DPP6: variants seen among roughly 807,000 people sequenced by gnomAD.
DPP6 encodes the protein A-type potassium channel modulatory protein DPP6.
DPP6 carries 69 observed loss-of-function variants against 122.6 expected under a neutral mutation model. That is an observed-to-expected ratio of 0.56 (90% confidence interval 0.46 to 0.69). The LOEUF (loss-of-function observed/expected upper bound fraction) is 0.69, where lower values mean the gene tolerates loss of function less well. DPP6 is among the 30% of genes least tolerant of loss of function. The pLI is 0.00. For synonymous variants in DPP6, 418 were observed against 433.1 expected (o/e 0.97, Z 0.43); for missense variants, 928 against 1,116.9 (o/e 0.83, Z 2.41).
rs143954483 is a variant in DPP6 at position 154,382,224 on chromosome 7, G to C, written c.244-63990G>C. 9.1e-3 allele frequency among the ~76,000 whole-genome samples: 1,380 copies of C among 152,062 alleles called. 19 individuals carry two copies. Among genetic ancestry groups the C allele is most frequent in the African/African-American group, 0.03 (1,257 of 41,478 alleles). On this transcript the variant is annotated intron_variant, in intron 1 of 25. Transcript: ENST00000377770. ...TTCTTCTGAGACAGGGTCTCACTCT[G>C]TCACCCAGGCTGGAGTGCAGTGCTG...
intron 1 of DPP6, among the ~76,000 whole-genome samples, chr7:154,442,472 G>C (rs1819465982): frequency 6.6e-6 from 1 of 152,100 alleles, no homozygotes; most frequent in Admixed American, 6.5e-5. Context: ...AATGCAAAGG[G>C]ATTTGCCTGG....
the DPP6 span, among the ~76,000 whole-genome samples, chr7:153,847,643 C>G: frequency 6.6e-6 from 1 of 152,060 alleles, no homozygotes; most frequent in South Asian, 2.1e-4. Context: ...AAGTATGGAC[C>G]TTATAGAATT....
At chr7:153,975,243 A>T (rs1429506264) in intron 1 of DPP6, among the ~76,000 whole-genome samples, 30 of 9,432 alleles carry the variant, frequency 3.2e-3, no homozygotes, top group African/African-American at 4.7e-3. Context: ...TCTTAGTTTA[A>T]AAAAAAAAAA....
chr7:153,867,713 A>G, the DPP6 span, among the ~76,000 whole-genome samples: 1 of 152,154 alleles, frequency 6.6e-6, no homozygotes, highest in Non-Finnish European at 1.5e-5. Context: ...GAGAGAGGGC[A>G]TCCCTGTCTT....
At chr7:154,562,713 C>T (rs995804483) in intron 4 of DPP6, among the ~76,000 whole-genome samples, 12 of 151,962 alleles carry the variant, frequency 7.9e-5, no homozygotes, top group African/African-American at 2.7e-4. Flanking sequence ...AAAATATCTA[C>T]CAGAACAAAT....
At position 154,052,809 on chromosome 7, in the gene DPP6, G is replaced by T. The variant is rs1800461096; in HGVS notation, c.-12G>T. 6.6e-7 allele frequency: 1 copy of T among 1,517,020 alleles called. No individual in the cohort carries two copies. Among genetic ancestry groups the T allele is most frequent in the Non-Finnish European group, 8.8e-7 (1 of 1,130,862 alleles). 94.0% of individuals were successfully genotyped at this position (1,517,020 alleles called of 1,614,324 possible). A position where few individuals can be genotyped will look rare whatever the true frequency, so the allele number is the denominator to read the frequency against. Reference sequence around the variant, plus strand: ...AAAGCCCCAAAGACAGCCAGCAGGAGCGCGGTGCCCGATGGCTTCGCTGTA... The same window carrying T: ...AAAGCCCCAAAGACAGCCAGCAGGATCGCGGTGCCCGATGGCTTCGCTGTA... On this transcript the variant is annotated 5_prime_UTR_variant, in exon 1 of 26. Coordinates refer to ENST00000377770, the MANE Select transcript of DPP6 (RefSeq NM_130797.4). The surrounding 1 kb of genome is among the most constrained non-coding windows in gnomAD (Gnocchi z 4.8).
chr7:154,581,723 G>A (rs534393436), intron 5 of DPP6, among the ~76,000 whole-genome samples: 32 of 152,344 alleles, frequency 2.1e-4, no homozygotes, highest in Middle Eastern at 3.4e-3. Context: ...TCCCCTGCAG[G>A]TGCAGGGACT....
chr7:153,968,637 A>G (rs549934753), intron 1 of DPP6: 1 of 151,658 alleles, frequency 6.6e-6, no homozygotes, highest in African/African-American at 2.4e-5. Context: ...GAAAACCACT[A>G]TTGTTTTAGT....
chr7:154,508,208 C>T (rs1341349605), intron 3 of DPP6, among the ~76,000 whole-genome samples: 2 of 152,144 alleles, frequency 1.3e-5, no homozygotes, highest in Non-Finnish European at 2.9e-5. Flanking sequence ...TAGTGAACTC[C>T]TGTCTCCTAT....
At chr7:153,959,509 C>G (rs1795239590) in intron 1 of DPP6, among the ~76,000 whole-genome samples, 1 of 152,266 alleles carries the variant, frequency 6.6e-6, no homozygotes, top group Non-Finnish European at 1.5e-5. Flanking sequence ...TGTGCAGCTT[C>G]TCCATCAGCA....
intron 10 of DPP6, among the ~76,000 whole-genome samples, chr7:154,793,279 A>T (rs1329955490): frequency 6.6e-6 from 1 of 152,020 alleles, no homozygotes; most frequent in Non-Finnish European, 1.5e-5. Context: ...TCACCTGGGG[A>T]TGGTCTTTTT....
At chr7:154,303,134 G>A (rs1013396221) in intron 1 of DPP6, among the ~76,000 whole-genome samples, 4 of 152,144 alleles carry the variant, frequency 2.6e-5, no homozygotes, top group Non-Finnish European at 2.9e-5. Context: ...GGCATGCGCC[G>A]CCACGCCCAG....
At chr7:154,400,540 CTA>C (rs1586165010) in intron 1 of DPP6, among the ~76,000 whole-genome samples, 3 of 152,276 alleles carry the variant, frequency 2.0e-5, no homozygotes, top group East Asian at 3.9e-4. Flanking sequence ...CCATGATTGA[CTA>C]TGTTATTCTT....
intron 5 of DPP6, among the ~76,000 whole-genome samples, chr7:154,572,535 T>TC (rs1157204615): frequency 1.0e-3 from 125 of 121,832 alleles, no homozygotes; most frequent in Non-Finnish European, 1.7e-3. Flanking sequence ...TTTTTTTTTT[T>TC]TGGTGGTGTC....
At chr7:153,979,690 A>G (rs986937416) in intron 1 of DPP6, among the ~76,000 whole-genome samples, 1 of 152,180 alleles carries the variant, frequency 6.6e-6, no homozygotes, top group African/African-American at 2.4e-5. Context: ...TTTGTCATAA[A>G]TAGCTCTTAT....
chr7:154,505,077 G>A (rs916684066), intron 3 of DPP6, among the ~76,000 whole-genome samples: 2 of 152,092 alleles, frequency 1.3e-5, no homozygotes, highest in Admixed American at 1.3e-4. Context: ...CTTGTGTTCT[G>A]GACAGCAGCA....
rs888201195 is a variant in DPP6, at chr7:154,481,283, T to C, written c.457+6246T>C. On this transcript the variant is annotated intron_variant, in intron 3 of 25. Transcript: ENST00000377770. The surrounding 1 kb of genome is among the most constrained non-coding windows in gnomAD (Gnocchi z 4.2). ...ATGTTAGGTATTGTCTATATGATGA[T>C]GAGTTTCAATTCTCTAGCTCAAATG... is the stretch of plus-strand genomic sequence containing the variant. 6.6e-6 allele frequency among the ~76,000 whole-genome samples: 1 copy of C among 152,098 alleles called. No individual in the cohort carries two copies. Among genetic ancestry groups the C allele is most frequent in the South Asian group, 2.1e-4 (1 of 4,828 alleles).
Position 154,619,773 on chromosome 7 carries a change from C to T in DPP6, c.628-18048C>T, listed in dbSNP as rs141579735. The stretch of plus-strand genomic sequence containing the variant: ...TATACTTAGAAGTGCGGGTTGCATA[C>T]GCCACTGCACATTAGAATCACTATA... On this transcript the variant is annotated intron_variant, in intron 5 of 25. Coordinates refer to ENST00000377770, the MANE Select transcript of DPP6 (RefSeq NM_130797.4). Among the ~76,000 whole-genome samples, 572 of 152,294 alleles carry T rather than the reference C, an allele frequency of 3.8e-3. 6 individuals carry two copies. Among genetic ancestry groups the T allele is most frequent in the African/African-American group, 8.6e-3 (358 of 41,546 alleles).
chr7:153,953,751 T>A (rs772477618), intron 1 of DPP6, among the ~76,000 whole-genome samples: 4 of 152,180 alleles, frequency 2.6e-5, no homozygotes, highest in Non-Finnish European at 5.9e-5. Context: ...CATGTGTGTG[T>A]ATATGTGTGT....
Sources: allele counts gnomAD v4.1 joint callset (sites outside exome capture counted in the v4.1 genomes callset), GRCh38; gene constraint gnomAD v4.1.1; non-coding constraint Gnocchi (gnomAD v3.1); transcripts MANE v1.5; gene names NCBI Gene and HGNC (gene_info 2026-07-23, HGNC 2026-07-21).